The following TRIP12 variants were observed in gnomAD, a reference collection of about 807,000 sequenced individuals.
TRIP12 encodes the protein E3 ubiquitin-protein ligase TRIP12.
In TRIP12, 25 loss-of-function variants were observed where a neutral mutation model predicts 244.2. That is an observed-to-expected ratio of 0.10 (90% CI 0.07 to 0.14). TRIP12 has a LOEUF of 0.14. Ranked by LOEUF, TRIP12 falls within the 10% of genes least tolerant of loss-of-function variation. The probability of loss-of-function intolerance (pLI) is 1.00; values close to 1 mark genes in which losing one functional copy is unlikely to be tolerated. For synonymous variants in TRIP12, 905 were observed against 873.1 expected, an observed-to-expected ratio of 1.04 and a Z score of -0.64; for missense variants, 1,677 against 2,486.4, an observed-to-expected ratio of 0.67 and a Z score of 6.92.
At chr2:229,796,142 A>C (rs2042759200) in intron 25 of TRIP12, among the ~76,000 whole-genome samples, 1 of 152,242 alleles carries the variant, frequency 6.6e-6, no homozygotes, top group South Asian at 2.1e-4. Context: ...ATAAACGGTG[A>C]CATAAATGGT....
intron 41 of TRIP12, among the ~76,000 whole-genome samples, 191 bp downstream of exon 41, chr2:229,768,425 C>G (rs1488788713): frequency 1.3e-5 from 2 of 152,174 alleles, no homozygotes; most frequent in Non-Finnish European, 2.9e-5. Flanking sequence ...CATTAGTAAT[C>G]CTACTTCAAT....
chr2:229,791,684 T>C (rs2041580360), intron 29 of TRIP12, 182 bp downstream of exon 29: 2 of 619,844 alleles, frequency 3.2e-6, no homozygotes, highest in East Asian at 5.6e-5. Context: ...GTAGAATGAA[T>C]GAGGAGGCTA....
chr2:229,804,368 T>C (rs1252280773), intron 18 of TRIP12, 141 bp from the exon 19 acceptor site: 1 of 683,998 alleles, frequency 1.5e-6, no homozygotes, highest in Non-Finnish European at 2.4e-6. Flanking sequence ...TGAACTTCTA[T>C]GATATGATCA....
intron 18 of TRIP12, among the ~76,000 whole-genome samples, chr2:229,805,306 C>T (rs1295796415): frequency 6.6e-6 from 1 of 151,948 alleles, no homozygotes; most frequent in East Asian, 1.9e-4. Context: ...GAACTAAATC[C>T]CTGAGGGGAC....
At chr2:229,811,562 T>C (rs2047254773) in intron 13 of TRIP12, among the ~76,000 whole-genome samples, 1 of 152,160 alleles carries the variant, frequency 6.6e-6, no homozygotes, top group Non-Finnish European at 1.5e-5. Flanking sequence ...TAGAAATGTT[T>C]AAGTGGGTGC....
chr2:229,857,115 G>A (rs1407738653), intron 4 of TRIP12, among the ~76,000 whole-genome samples: 4 of 152,154 alleles, frequency 2.6e-5, no homozygotes, highest in Admixed American at 2.0e-4. Context: ...GATTCAATAT[G>A]AGCTATACTT....
At chr2:229,871,614 G>A (rs942282746) in intron 2 of TRIP12, among the ~76,000 whole-genome samples, 1 of 152,156 alleles carries the variant, frequency 6.6e-6, no homozygotes, top group African/African-American at 2.4e-5. Flanking sequence ...AGGAGCAGAT[G>A]CCAGCGCCAC....
intron 1 of TRIP12, among the ~76,000 whole-genome samples, chr2:229,884,808 A>T (rs1255792932): frequency 6.6e-6 from 1 of 152,068 alleles, no homozygotes; most frequent in Admixed American, 6.5e-5. Context: ...TTGTCTCTGT[A>T]AGAAACTTAA....
intron 29 of TRIP12, 120 bp downstream of exon 29, chr2:229,791,741 CTAAAA>C: frequency 1.0e-6 from 1 of 992,072 alleles, no homozygotes; most frequent in Non-Finnish European, 1.5e-6. Context: ...TCTTTCAGAA[CTAAAA>C]TGTGTGATTT....
At chr2:229,803,285 T>C (rs889097576) in intron 20 of TRIP12, among the ~76,000 whole-genome samples, 10 of 152,214 alleles carry the variant, frequency 6.6e-5, no homozygotes, top group African/African-American at 1.7e-4. Context: ...CGCTAATTTT[T>C]GTATTTTTCT....
At chr2:229,805,246 C>CAACAACAACAACAACAACAAA (rs770905482) in intron 18 of TRIP12, among the ~76,000 whole-genome samples, 2 of 151,900 alleles carry the variant, frequency 1.3e-5, no homozygotes, top group African/African-American at 4.8e-5. Flanking sequence ...ACAACAACAA[C>CAACAACAACAACAACAACAAA]AAAAATATTT....
At chr2:229,779,532 C>G (rs1361224813) in intron 34 of TRIP12, among the ~76,000 whole-genome samples, 2 of 152,194 alleles carry the variant, frequency 1.3e-5, no homozygotes, top group Non-Finnish European at 2.9e-5. Flanking sequence ...CCTGTTATCT[C>G]TGATAGTACC....
intron 8 of TRIP12, among the ~76,000 whole-genome samples, chr2:229,822,636 T>G (rs1304169122): frequency 6.6e-6 from 1 of 152,230 alleles, no homozygotes; most frequent in African/African-American, 2.4e-5. Context: ...AATATCATTT[T>G]GGGCCACTTT....
intron 21 of TRIP12, among the ~76,000 whole-genome samples, chr2:229,799,592 T>C (rs1018260772): frequency 1.2e-4 from 18 of 151,908 alleles, no homozygotes; most frequent in Non-Finnish European, 2.2e-4. Context: ...CTGGCTAACA[T>C]GGTGAAACCC....
rs2031860475 is a variant in TRIP12 at position 229,766,689 on chromosome 2, GAATAATA to G, written c.*858_*864del. 6.6e-6 allele frequency: 1 copy of G among 152,162 alleles called. No homozygotes were observed. Among genetic ancestry groups the G allele is most frequent in the South Asian group, 2.1e-4 (1 of 4,828 alleles). The allele number at this position is 152,162 out of a possible 1,614,324, so 9.4% of individuals were successfully genotyped here. A position where few individuals can be genotyped will look rare whatever the true frequency, so the allele number is the denominator to read the frequency against. ...ATTAATTTAAAATCCTCTGGCCACA[GAATAATA>G]AATACCGGCCAGCCCAAGCTGTAGA... On this transcript the variant is annotated 3_prime_UTR_variant, in exon 42 of 42. Coordinates refer to ENST00000675903, the MANE Select transcript of TRIP12 (RefSeq NM_001348323.3).
chr2:229,870,519 C>CTACATTGATG (rs2062373386), intron 2 of TRIP12, among the ~76,000 whole-genome samples: 2 of 152,070 alleles, frequency 1.3e-5, no homozygotes, highest in Non-Finnish European at 2.9e-5. Flanking sequence ...ATTTCTAAGA[C>CTACATTGATG]TGGAAAAGAG....
chr2:229,834,225 G>A (rs2054175983), intron 6 of TRIP12, among the ~76,000 whole-genome samples: 1 of 152,194 alleles, frequency 6.6e-6, no homozygotes, highest in African/African-American at 2.4e-5. Context: ...TACATGGAGT[G>A]ACAAATTTTT....
chr2:229,857,251 AG>A (rs1260929565), intron 4 of TRIP12, among the ~76,000 whole-genome samples: 1 of 152,226 alleles, frequency 6.6e-6, no homozygotes, highest in African/African-American at 2.4e-5. Context: ...CTTCCTAATT[AG>A]GTATTATAAA....
At chr2:229,870,403 C>T (rs2062345301) in intron 2 of TRIP12, among the ~76,000 whole-genome samples, 1 of 152,140 alleles carries the variant, frequency 6.6e-6, no homozygotes, top group African/African-American at 2.4e-5. Flanking sequence ...TAGCAAGAAG[C>T]AGTAACGTAA....
Sources: gnomAD v4.1 joint callset for allele counts (sites outside exome capture counted in the v4.1 genomes callset) on GRCh38, gnomAD v4.1.1 for gene constraint, MANE v1.5 for transcripts, NCBI Gene and HGNC (gene_info 2026-07-23, HGNC 2026-07-21) for gene names.